Variants in INSC observed in about 807,000 individuals in gnomAD.
INSC encodes protein inscuteable homolog.
Under a neutral mutation model 58.6 loss-of-function variants are expected in INSC, and 67 were observed. The ratio of observed to expected loss-of-function variants is 1.14; its 90% CI spans 0.94 to 1.40. INSC has a LOEUF of 1.40. Among genes scored for constraint, INSC ranks in the 40% most tolerant of loss-of-function variants. The probability of loss-of-function intolerance (pLI) is 0.00; values close to 1 mark genes in which losing one functional copy is unlikely to be tolerated. For missense variants in INSC, 714 were observed against 692.0 expected (o/e 1.03, Z -0.36); for synonymous variants, 262 against 276.1 (o/e 0.95, Z 0.51).
intron 7 of INSC, among the ~76,000 whole-genome samples, chr11:15,206,725 C>T (rs1323827152): frequency 6.6e-6 from 1 of 152,162 alleles, no homozygotes; most frequent in African/African-American, 2.4e-5. Flanking sequence ...GAGCAAGTCA[C>T]TTCTCCTGTC....
At chr11:15,144,382 G>A (rs974939831) in intron 1 of INSC, among the ~76,000 whole-genome samples, 1 of 152,196 alleles carries the variant, frequency 6.6e-6, no homozygotes, top group African/African-American at 2.4e-5. Flanking sequence ...TGCTCTCTAA[G>A]GGCCTTTTCA....
chr11:15,188,436 G>T (rs1263954023), intron 5 of INSC: 2 of 760,996 alleles, frequency 2.6e-6, no homozygotes, highest in African/African-American at 1.9e-5. Flanking sequence ...AGACCACATA[G>T]GTAACCTTAG....
At chr11:15,210,918 G>GA (rs1055078007) in intron 7 of INSC, among the ~76,000 whole-genome samples, 1 of 152,120 alleles carries the variant, frequency 6.6e-6, no homozygotes, top group African/African-American at 2.4e-5. Context: ...GTCTGGCACT[G>GA]ACAGTGCAGC....
At chr11:15,205,754 GA>G (rs765060682) in intron 7 of INSC, among the ~76,000 whole-genome samples, 2 of 152,148 alleles carry the variant, frequency 1.3e-5, no homozygotes, top group Non-Finnish European at 2.9e-5. Context: ...CCTCAGTCAT[GA>G]ATGTAGAGCT....
At chr11:15,200,270 T>C (rs1850531627) in intron 6 of INSC, among the ~76,000 whole-genome samples, 1 of 151,934 alleles carries the variant, frequency 6.6e-6, no homozygotes, top group Non-Finnish European at 1.5e-5. Flanking sequence ...GTTTTTTTGA[T>C]CAAAAAATGG....
intron 2 of INSC, among the ~76,000 whole-genome samples, chr11:15,161,694 G>A (rs543485563): frequency 2.8e-4 from 42 of 152,338 alleles, no homozygotes; most frequent in Non-Finnish European, 5.0e-4. Flanking sequence ...AACTTGGAGT[G>A]CTTAGGGGTG....
intron 1 of INSC, among the ~76,000 whole-genome samples, chr11:15,121,676 G>A (rs997646441): frequency 1.3e-5 from 2 of 152,038 alleles, no homozygotes; most frequent in Admixed American, 6.6e-5. Flanking sequence ...TTTTATCATC[G>A]TTGATCATTT....
chr11:15,229,097 G>A (rs568683649), intron 9 of INSC, among the ~76,000 whole-genome samples: 1 of 152,132 alleles, frequency 6.6e-6, no homozygotes, highest in Admixed American at 6.5e-5. Flanking sequence ...GTGAACTTCT[G>A]GCCTATCCGT....
Position 15,169,946 on chromosome 11 carries a change from C to T in INSC, c.57-5795C>T, listed in dbSNP as rs539095810. ...TCTAGACATTGCAGTTGTCCCTTGG[C>T]ATCCATGAGAGATTGGTTCCAGGAC... On this transcript the variant is annotated intron_variant, in intron 2 of 12. Transcript: ENST00000379556. 3.7e-4 allele frequency among the ~76,000 whole-genome samples: 56 copies of T among 152,260 alleles called. 1 individual carries two copies. The Middle Eastern group carries it at 0.02, about 55-fold the overall frequency.
chr11:15,226,549 GGTAGATTAGGTGGTCTC>G (rs1851647035), intron 9 of INSC, among the ~76,000 whole-genome samples: 6 of 152,152 alleles, frequency 3.9e-5, no homozygotes, highest in African/African-American at 1.2e-4. Flanking sequence ...GAGTGGGGGT[GGTAGATTAGGTGGTCTC>G]TGTAAATTCT....
intron 8 of INSC, among the ~76,000 whole-genome samples, chr11:15,223,993 C>T (rs977031273): frequency 1.3e-5 from 2 of 152,204 alleles, no homozygotes; most frequent in African/African-American, 4.8e-5. Context: ...CCAGAAGCAA[C>T]TTGTAATGTA....
At chr11:15,269,480 G>A in the INSC span, among the ~76,000 whole-genome samples, 2 of 151,564 alleles carry the variant, frequency 1.3e-5, no homozygotes, top group African/African-American at 4.8e-5. Flanking sequence ...TGGCAGTGAT[G>A]TGGTACTTTT....
At chr11:15,230,829 A>G (rs960660485) in intron 9 of INSC, among the ~76,000 whole-genome samples, 1 of 152,210 alleles carries the variant, frequency 6.6e-6, no homozygotes, top group African/African-American at 2.4e-5. Flanking sequence ...CGGGACCTAC[A>G]TCCAAAACAG....
intron 7 of INSC, among the ~76,000 whole-genome samples, chr11:15,201,476 G>T (rs551601496): frequency 4.4e-4 from 67 of 152,326 alleles, no homozygotes; most frequent in African/African-American, 1.5e-3. Context: ...TGGCGTGGGA[G>T]TAGGGTAGGG....
At chr11:15,139,076 T>C (rs1374734627) in intron 1 of INSC, among the ~76,000 whole-genome samples, 10 of 152,188 alleles carry the variant, frequency 6.6e-5, no homozygotes, top group East Asian at 1.9e-4. Context: ...CTATAAGAGA[T>C]TGTACAATTC....
At chr11:15,170,898 C>T (rs959815347) in intron 2 of INSC, among the ~76,000 whole-genome samples, 1 of 152,190 alleles carries the variant, frequency 6.6e-6, no homozygotes, top group African/African-American at 2.4e-5. Flanking sequence ...GGCACAAACA[C>T]GCAGGGCTTG....
chr11:15,244,881 G>T (rs1172206970), intron 12 of INSC, among the ~76,000 whole-genome samples: 1 of 152,144 alleles, frequency 6.6e-6, no homozygotes, highest in Non-Finnish European at 1.5e-5. Flanking sequence ...TATTTATCAA[G>T]CACTTAGCAT....
intron 1 of INSC, among the ~76,000 whole-genome samples, chr11:15,130,978 GT>G (rs1168452711): frequency 6.6e-6 from 1 of 151,724 alleles, no homozygotes; most frequent in Non-Finnish European, 1.5e-5. Context: ...TAGTCATTTT[GT>G]TTGTTTTGTT....
chr11:15,258,177 C>A, the INSC span, among the ~76,000 whole-genome samples: 1 of 152,052 alleles, frequency 6.6e-6, no homozygotes, highest in Admixed American at 6.6e-5. Flanking sequence ...CAAAATGAAT[C>A]AAAAAGATAT....
Sources: allele counts gnomAD v4.1 joint callset (sites outside exome capture counted in the v4.1 genomes callset), GRCh38; gene constraint gnomAD v4.1.1; transcripts MANE v1.5; gene names NCBI Gene and HGNC (gene_info 2026-07-23, HGNC 2026-07-21).